Variants in RAB38 observed in about 807,000 individuals in gnomAD.
The protein encoded by RAB38 is RAB38, member RAS oncogene family.
Under a neutral mutation model 18.4 loss-of-function variants are expected in RAB38, and 15 were observed. The observed-to-expected ratio is 0.82, with a 90% CI of 0.55 to 1.26. The LOEUF is 1.26. RAB38 is among the 50% of genes most tolerant of loss of function. The pLI, the probability that RAB38 is intolerant of heterozygous loss-of-function variation, is 0.00. For synonymous variants in RAB38, 101 were observed against 104.4 expected (o/e 0.97, Z 0.20); for missense variants, 294 against 267.4 (o/e 1.10, Z -0.69).
chr11:87,822,991 G>C, the RAB38 span, among the ~76,000 whole-genome samples: 48 of 152,044 alleles, frequency 3.2e-4, no homozygotes, highest in African/African-American at 1.0e-3. Context: ...ATTATAACAG[G>C]GAGATGAAAA....
chr11:87,886,824 G>GTTTTTTTTTT, the RAB38 span, among the ~76,000 whole-genome samples: 31 of 139,022 alleles, frequency 2.2e-4, no homozygotes, highest in Non-Finnish European at 2.5e-4. Context: ...TGAAGCACTT[G>GTTTTTTTTTT]TTTTTTTTTT....
the RAB38 span, among the ~76,000 whole-genome samples, chr11:88,077,661 A>T: frequency 6.6e-6 from 1 of 152,152 alleles, no homozygotes; most frequent in African/African-American, 2.4e-5. Context: ...TAGATTAAAG[A>T]CCAAAAATTA....
intron 1 of RAB38, among the ~76,000 whole-genome samples, chr11:88,150,816 T>C (rs1411223232): frequency 6.6e-6 from 1 of 152,164 alleles, no homozygotes; most frequent in Non-Finnish European, 1.5e-5. Flanking sequence ...ATTATAGGCT[T>C]GTACTCTCTC....
chr11:87,913,873 T>C, the RAB38 span, among the ~76,000 whole-genome samples: 2 of 152,226 alleles, frequency 1.3e-5, no homozygotes, highest in Non-Finnish European at 2.9e-5. Flanking sequence ...ACCTCAGGAC[T>C]CTACAGAGAG....
the RAB38 span, among the ~76,000 whole-genome samples, chr11:87,816,729 C>T: frequency 1.3e-5 from 2 of 151,952 alleles, no homozygotes; most frequent in Admixed American, 1.3e-4. Flanking sequence ...GAGGGAGATC[C>T]TGTATCCTAT....
the RAB38 span, among the ~76,000 whole-genome samples, chr11:87,890,934 A>G: frequency 1.3e-5 from 2 of 151,894 alleles, no homozygotes; most frequent in African/African-American, 4.8e-5. Flanking sequence ...TAAGAATGTC[A>G]AGATAGCAAC....
the RAB38 span, among the ~76,000 whole-genome samples, chr11:87,841,770 A>T: frequency 1.3e-5 from 2 of 152,198 alleles, no homozygotes; most frequent in Non-Finnish European, 2.9e-5. Context: ...GAGGATAAAA[A>T]GGGGTGCTAA....
the RAB38 span, among the ~76,000 whole-genome samples, chr11:88,051,023 C>T: frequency 6.6e-6 from 1 of 152,132 alleles, no homozygotes; most frequent in Admixed American, 6.5e-5. Context: ...TGGATCCTGT[C>T]TTTACTTAAA....
At chr11:87,958,430 T>G in the RAB38 span, among the ~76,000 whole-genome samples, 1 of 152,110 alleles carries the variant, frequency 6.6e-6, no homozygotes, top group African/African-American at 2.4e-5. Flanking sequence ...GCTAAGAAAG[T>G]CTCCAACCTC....
the RAB38 span, among the ~76,000 whole-genome samples, chr11:87,866,839 G>A: frequency 1.9e-4 from 29 of 151,890 alleles, no homozygotes; most frequent in Non-Finnish European, 3.1e-4. Flanking sequence ...ACTGAACATA[G>A]AGAGTCAGGA....
the RAB38 span, among the ~76,000 whole-genome samples, chr11:87,917,253 G>T: frequency 6.6e-6 from 1 of 152,056 alleles, no homozygotes; most frequent in Non-Finnish European, 1.5e-5. Context: ...TCACCAAGGT[G>T]AGTCAAGGAT....
the RAB38 span, chr11:87,816,964 A>G: frequency 6.6e-6 from 1 of 152,160 alleles, no homozygotes; most frequent in Admixed American, 6.5e-5. Context: ...AGCTCATTCT[A>G]TATGAATCAA....
At chr11:87,814,826 G>A in the RAB38 span, among the ~76,000 whole-genome samples, 8 of 151,044 alleles carry the variant, frequency 5.3e-5, no homozygotes, top group South Asian at 1.0e-3. Flanking sequence ...CTCTGCCTCC[G>A]GGGTTCACGC....
At chr11:88,063,584 C>T in the RAB38 span, among the ~76,000 whole-genome samples, 1 of 152,190 alleles carries the variant, frequency 6.6e-6, no homozygotes, top group African/African-American at 2.4e-5. Context: ...TATGGTTTGG[C>T]TCTGTCCCCA....
the RAB38 span, among the ~76,000 whole-genome samples, chr11:87,917,584 A>AGG: frequency 7.8e-6 from 1 of 127,950 alleles, no homozygotes; most frequent in Non-Finnish European, 1.6e-5. Flanking sequence ...TATTTATTCC[A>AGG]GGCCAGGTCT....
the RAB38 span, among the ~76,000 whole-genome samples, chr11:88,015,172 GTACTCATCTATC>G: frequency 1.3e-5 from 2 of 151,962 alleles, no homozygotes; most frequent in South Asian, 2.1e-4. Context: ...TCATGGGCTA[GTACTCATCTATC>G]TACTCATCTA....
chr11:88,024,722 A>G, the RAB38 span, among the ~76,000 whole-genome samples: 1 of 152,172 alleles, frequency 6.6e-6, no homozygotes, highest in African/African-American at 2.4e-5. Context: ...GTCATTTGCA[A>G]CAACATGGAA....
the RAB38 span, among the ~76,000 whole-genome samples, chr11:87,806,614 C>T: frequency 6.6e-6 from 1 of 152,052 alleles, no homozygotes; most frequent in Non-Finnish European, 1.5e-5. Context: ...CATTTATATC[C>T]TGTTTCATTT....
chr11:87,858,500 A>G, the RAB38 span, among the ~76,000 whole-genome samples: 1 of 152,114 alleles, frequency 6.6e-6, no homozygotes, highest in African/African-American at 2.4e-5. Flanking sequence ...ATGGGATCAC[A>G]TTAAATTAGA....
Sources: gnomAD v4.1 joint callset for allele counts (sites outside exome capture counted in the v4.1 genomes callset) on GRCh38, gnomAD v4.1.1 for gene constraint, MANE v1.5 for transcripts, NCBI Gene and HGNC (gene_info 2026-07-23, HGNC 2026-07-21) for gene names.